The following RIPOR2 variants were observed in gnomAD, a reference collection of about 807,000 sequenced individuals.
The protein encoded by RIPOR2 is rho family-interacting cell polarization regulator 2.
RIPOR2 carries 39 observed loss-of-function variants against 114.5 expected under a neutral mutation model. The ratio of observed to expected loss-of-function variants is 0.34; its 90% CI spans 0.26 to 0.44. The LOEUF is 0.44. RIPOR2 is among the 20% of genes least tolerant of loss of function. RIPOR2 has a pLI of 1.00. For missense variants in RIPOR2, 1,007 were observed against 1,255.1 expected, an observed-to-expected ratio of 0.80 and a Z score of 2.99; for synonymous variants, 445 against 484.4, an observed-to-expected ratio of 0.92 and a Z score of 1.07.
At position 24,946,256 on chromosome 6, in the gene RIPOR2, G is replaced by T. The variant is rs542680738; in HGVS notation, c.77-70439C>A. Among the ~76,000 whole-genome samples the T allele has an allele frequency of 9.2e-5, 14 of 152,042 alleles. No homozygotes were observed. The South Asian group carries it at 2.9e-3, about 32-fold the overall frequency. On this transcript the variant is annotated intron_variant, in intron 1 of 13. Transcript: ENST00000510784. ...TGCCCAGCTAATTTTTATATTTTTA[G>T]TAGAGATGAGGTTTCACCATGTTGG... is the stretch of plus-strand genomic sequence containing the variant.
intron 1 of RIPOR2, among the ~76,000 whole-genome samples, chr6:24,914,319 AAACAACAAC>A (rs150955608): frequency 0.011 from 1,692 of 152,006 alleles, 30 homozygotes; most frequent in African/African-American, 0.038. Flanking sequence ...CCTGGGTGTC[AAACAACAAC>A]AACAACAACA....
intron 1 of RIPOR2, among the ~76,000 whole-genome samples, chr6:25,021,592 G>A (rs1312872355): frequency 1.3e-5 from 2 of 152,168 alleles, no homozygotes; most frequent in Admixed American, 6.5e-5. Flanking sequence ...AAGCTATGAG[G>A]ATGCAAAGGC....
chr6:24,846,301 C>CTTTTTTTTT (rs1233193249), intron 12 of RIPOR2, among the ~76,000 whole-genome samples: 1 of 91,718 alleles, frequency 1.1e-5, no homozygotes. Flanking sequence ...TTTCACCTGC[C>CTTTTTTTTT]TTTTTTTTTT....
At chr6:25,024,966 A>G (rs1305841709) in intron 1 of RIPOR2, among the ~76,000 whole-genome samples, 1 of 152,178 alleles carries the variant, frequency 6.6e-6, no homozygotes, top group Non-Finnish European at 1.5e-5. Flanking sequence ...TTTCAGCTCC[A>G]CAACATTCTC....
chr6:24,911,479 G>T (rs1479130288), intron 1 of RIPOR2, among the ~76,000 whole-genome samples: 4 of 152,190 alleles, frequency 2.6e-5, no homozygotes, highest in East Asian at 3.9e-4. Flanking sequence ...GGTGTATGGG[G>T]TGGGGGCGGT....
Position 25,037,432 on chromosome 6 carries a change from C to T in RIPOR2, c.76+4419G>A, listed in dbSNP as rs372199276. ...ATCATGTAGAAGGCCCAGGCACCCA[C>T]GGGCTGTTGCTGTGTCTATACTCCT... On this transcript the variant is annotated intron_variant, in intron 1 of 13. Transcript: ENST00000510784. The surrounding 1 kb of genome is among the most constrained non-coding windows in gnomAD (Gnocchi z 4.5). Among the ~76,000 whole-genome samples the T allele has an allele frequency of 5.9e-5, 9 of 152,268 alleles. No homozygotes were observed. The highest frequency in any genetic ancestry group is 2.1e-4 in the South Asian group (1 of 4,824).
At chr6:25,012,264 A>G (rs1333449519) in intron 1 of RIPOR2, among the ~76,000 whole-genome samples, 1 of 152,274 alleles carries the variant, frequency 6.6e-6, no homozygotes, top group Non-Finnish European at 1.5e-5. Context: ...TGAAGCTCTC[A>G]TATATTGCTG....
intron 1 of RIPOR2, among the ~76,000 whole-genome samples, chr6:24,966,317 T>C (rs1773526225): frequency 6.6e-6 from 1 of 152,234 alleles, no homozygotes; most frequent in Non-Finnish European, 1.5e-5. Flanking sequence ...TAGATAACTA[T>C]GGCTATCACT....
chr6:24,848,280 T>C, intron 11 of RIPOR2, 126 bp from the exon 12 acceptor site: 1 of 967,522 alleles, frequency 1.0e-6, no homozygotes, highest in Non-Finnish European at 1.5e-6. Flanking sequence ...ACTGGGCTGG[T>C]TTTAGCTAAA....
chr6:24,886,722 C>T (rs900921794), intron 1 of RIPOR2, among the ~76,000 whole-genome samples: 8 of 152,162 alleles, frequency 5.3e-5, no homozygotes, highest in Admixed American at 1.3e-4. Flanking sequence ...GTGCCATTAC[C>T]GGTGATGTTA....
intron 1 of RIPOR2, among the ~76,000 whole-genome samples, chr6:24,885,369 TGTGCCTCCACA>T (rs1766735238): frequency 6.6e-6 from 1 of 152,146 alleles, no homozygotes; most frequent in Non-Finnish European, 1.5e-5. Flanking sequence ...ACTACTGGCA[TGTGCCTCCACA>T]CCCAGCTAAT....
rs1486382399 is a variant in RIPOR2, at chr6:25,021,598, A to C, written c.76+20253T>G. ...GTGGGAGCTAAGCTATGAGGATGCAAAGGCATAAGAAAGACACAAAGAACT... is the reference window on the plus strand; with the variant it reads ...GTGGGAGCTAAGCTATGAGGATGCACAGGCATAAGAAAGACACAAAGAACT... On this transcript the variant is annotated intron_variant, in intron 1 of 13. Transcript: ENST00000510784. Among the ~76,000 whole-genome samples the C allele has an allele frequency of 2.0e-5, 3 of 152,196 alleles. 1 individual carries two copies. Among genetic ancestry groups the C allele is most frequent in the Admixed American group, 2.0e-4 (3 of 15,280 alleles).
intron 7 of RIPOR2, 61 bp downstream of exon 7, chr6:24,865,240 A>G: frequency 1.4e-6 from 2 of 1,433,814 alleles, no homozygotes; most frequent in Non-Finnish European, 1.9e-6. Flanking sequence ...CTTGGCAATT[A>G]CCAACAATTC....
At chr6:24,993,078 A>T (rs9295641) in intron 1 of RIPOR2, among the ~76,000 whole-genome samples, 93,460 of 152,120 alleles carry the variant, frequency 0.61, 28,856 homozygotes, top group East Asian at 0.79. Context: ...CTGTCAGATC[A>T]ATAGTAACAT....
chr6:24,963,176 C>T (rs660840), intron 1 of RIPOR2, among the ~76,000 whole-genome samples: 48,033 of 151,972 alleles, frequency 0.32, 8,219 homozygotes, highest in Non-Finnish European at 0.39. Context: ...GGGTTTCAGG[C>T]GCCCACCACC....
At chr6:24,882,675 T>C (rs890576042) in intron 1 of RIPOR2, among the ~76,000 whole-genome samples, 1 of 152,194 alleles carries the variant, frequency 6.6e-6, no homozygotes, top group Non-Finnish European at 1.5e-5. Flanking sequence ...GGAATTTTGT[T>C]CTGTTAAATT....
At chr6:24,992,401 A>G (rs1344973317) in intron 1 of RIPOR2, among the ~76,000 whole-genome samples, 1 of 152,208 alleles carries the variant, frequency 6.6e-6, no homozygotes, top group Non-Finnish European at 1.5e-5. Flanking sequence ...ATGCCCAAAA[A>G]TCACTGGTAT....
At chr6:24,980,026 A>G (rs956334771) in intron 1 of RIPOR2, among the ~76,000 whole-genome samples, 2 of 152,254 alleles carry the variant, frequency 1.3e-5, no homozygotes, top group Non-Finnish European at 2.9e-5. Context: ...CAAGTGGAAA[A>G]GGGACAGCCC....
intron 15 of RIPOR2, among the ~76,000 whole-genome samples, chr6:24,832,597 G>A (rs1760774807): frequency 6.6e-6 from 1 of 152,132 alleles, no homozygotes; most frequent in African/African-American, 2.4e-5. Context: ...ATTTCTTCGT[G>A]TGTGCATAAA....
Sources: gnomAD v4.1 joint callset for allele counts (sites outside exome capture counted in the v4.1 genomes callset) on GRCh38, gnomAD v4.1.1 for gene constraint, Gnocchi (gnomAD v3.1) non-coding constraint, MANE v1.5 for transcripts, NCBI Gene and HGNC (gene_info 2026-07-23, HGNC 2026-07-21) for gene names.